ZFAND3: variants seen among roughly 807,000 people sequenced by gnomAD.
The protein encoded by ZFAND3 is zinc finger AN1-type containing 3, also known as AN1-type zinc finger protein 3.
Under a neutral mutation model 29.6 loss-of-function variants are expected in ZFAND3, and 10 were observed. That is an observed-to-expected ratio of 0.34 (90% confidence interval 0.21 to 0.57). The LOEUF (loss-of-function observed/expected upper bound fraction) is 0.57. Among genes scored for constraint, ZFAND3 ranks in the 20% least tolerant of loss-of-function variants. ZFAND3 has a pLI of 0.86. For missense variants in ZFAND3, 230 were observed against 304.5 expected (o/e 0.76, Z 1.82); for synonymous variants, 128 against 112.6 (o/e 1.14, Z -0.87).
chr6:37,914,091 A>G (rs960668187), intron 1 of ZFAND3, among the ~76,000 whole-genome samples: 1 of 152,150 alleles, frequency 6.6e-6, no homozygotes, highest in African/African-American at 2.4e-5. Context: ...TCCTTGATCC[A>G]TGGGCTACAG....
At chr6:37,853,917 AAC>A (rs776265046) in intron 1 of ZFAND3, among the ~76,000 whole-genome samples, 23 of 152,166 alleles carry the variant, frequency 1.5e-4, no homozygotes, top group Non-Finnish European at 3.1e-4. Flanking sequence ...AGAAAACTGA[AAC>A]ACATAAAAAT....
At chr6:37,981,392 T>A (rs2842521) in intron 2 of ZFAND3, among the ~76,000 whole-genome samples, 118,852 of 152,054 alleles carry the variant, frequency 0.78, 47,318 homozygotes, top group Non-Finnish European at 0.85. Context: ...GATGCTGTTC[T>A]GTGAATATTC....
At chr6:37,981,501 G>A (rs1046186169) in intron 2 of ZFAND3, among the ~76,000 whole-genome samples, 6 of 152,128 alleles carry the variant, frequency 3.9e-5, no homozygotes, top group East Asian at 1.9e-4. Flanking sequence ...GTGATTTTTG[G>A]TCATGGTTAG....
intron 1 of ZFAND3, among the ~76,000 whole-genome samples, chr6:37,916,872 C>G (rs769574350): frequency 3.9e-5 from 6 of 152,152 alleles, no homozygotes; most frequent in Non-Finnish European, 7.3e-5. Context: ...GCCCTGGTGG[C>G]GAATCATCCC....
At chr6:37,963,838 T>G (rs950441349) in intron 2 of ZFAND3, among the ~76,000 whole-genome samples, 2 of 152,232 alleles carry the variant, frequency 1.3e-5, no homozygotes, top group Non-Finnish European at 2.9e-5. Context: ...TATAGTACTC[T>G]CTCATACAGC....
intron 1 of ZFAND3, among the ~76,000 whole-genome samples, chr6:37,905,042 T>A (rs1381571904): frequency 6.6e-6 from 1 of 152,160 alleles, no homozygotes; most frequent in African/African-American, 2.4e-5. Context: ...GTATCATGAA[T>A]GAATCAATGC....
intron 1 of ZFAND3, among the ~76,000 whole-genome samples, chr6:37,860,885 A>T (rs1241706704): frequency 6.6e-6 from 1 of 152,160 alleles, no homozygotes; most frequent in African/African-American, 2.4e-5. Context: ...ATGGTACTCC[A>T]TGAAGCCTTA....
At chr6:37,958,045 T>A (rs1453270888) in intron 2 of ZFAND3, among the ~76,000 whole-genome samples, 3 of 152,228 alleles carry the variant, frequency 2.0e-5, no homozygotes, top group Non-Finnish European at 4.4e-5. Flanking sequence ...AAAGAATTTA[T>A]AATATGACTA....
chr6:37,871,952 C>A (rs1466886037), intron 1 of ZFAND3, among the ~76,000 whole-genome samples: 1 of 152,194 alleles, frequency 6.6e-6, no homozygotes, highest in Admixed American at 6.5e-5. Flanking sequence ...AGTTTTTAGT[C>A]TTACCTGGGC....
intron 2 of ZFAND3, among the ~76,000 whole-genome samples, chr6:38,017,966 T>C (rs559525792): frequency 2.0e-5 from 3 of 152,352 alleles, no homozygotes; most frequent in Admixed American, 1.3e-4. Context: ...AAACTACTTA[T>C]AATTTGCCCT....
At chr6:37,860,576 A>G (rs1340814766) in intron 1 of ZFAND3, among the ~76,000 whole-genome samples, 1 of 148,472 alleles carries the variant, frequency 6.7e-6, no homozygotes, top group African/African-American at 2.5e-5. Context: ...TGATTGCATT[A>G]TGTCTTTCCT....
intron 2 of ZFAND3, among the ~76,000 whole-genome samples, chr6:38,045,078 AT>A (rs1400424823): frequency 1.4e-5 from 2 of 147,750 alleles, no homozygotes; most frequent in Non-Finnish European, 1.5e-5. Context: ...TTATTTATTT[AT>A]TTATTTATTT....
At chr6:37,929,586 A>G (rs189964790) in intron 1 of ZFAND3, among the ~76,000 whole-genome samples, 25 of 152,318 alleles carry the variant, frequency 1.6e-4, no homozygotes, top group African/African-American at 6.0e-4. Flanking sequence ...TTCTGTATGA[A>G]AAGAGGGAAT....
chr6:37,948,692 A>G, intron 2 of ZFAND3, among the ~76,000 whole-genome samples: 1 of 152,206 alleles, frequency 6.6e-6, no homozygotes, highest in Non-Finnish European at 1.5e-5. Flanking sequence ...TCCACTTATA[A>G]GTGAGAACAT....
chr6:37,884,692 C>T (rs1344703566), intron 1 of ZFAND3, among the ~76,000 whole-genome samples: 3 of 144,800 alleles, frequency 2.1e-5, no homozygotes, highest in Non-Finnish European at 4.5e-5. Flanking sequence ...GGCAAGATTA[C>T]CAACAAGTAC....
At chr6:38,144,351 G>A (rs565683889) in intron 5 of ZFAND3, among the ~76,000 whole-genome samples, 1 of 151,866 alleles carries the variant, frequency 6.6e-6, no homozygotes, top group Non-Finnish European at 1.5e-5. Context: ...TACCACTTGA[G>A]ATTAATGAGT....
At chr6:37,826,899 T>C (rs1339940946) in intron 1 of ZFAND3, among the ~76,000 whole-genome samples, 2 of 152,238 alleles carry the variant, frequency 1.3e-5, no homozygotes, top group African/African-American at 4.8e-5. Flanking sequence ...GTAGCTACTT[T>C]TAAGTACTCA....
intron 4 of ZFAND3, among the ~76,000 whole-genome samples, chr6:38,102,538 G>A (rs1266026217): frequency 6.6e-6 from 1 of 152,126 alleles, no homozygotes; most frequent in African/African-American, 2.4e-5. Flanking sequence ...AGAGACCAAG[G>A]TGTTGGGGTA....
intron 1 of ZFAND3, among the ~76,000 whole-genome samples, chr6:37,855,051 ATC>A (rs1209402918): frequency 1.5e-5 from 2 of 136,318 alleles, no homozygotes; most frequent in Non-Finnish European, 3.1e-5. Context: ...CTTCTTTTTA[ATC>A]TCTGGGTGAT....
Sources: allele counts gnomAD v4.1 joint callset (sites outside exome capture counted in the v4.1 genomes callset), GRCh38; gene constraint gnomAD v4.1.1; transcripts MANE v1.5; gene names NCBI Gene and HGNC (gene_info 2026-07-23, HGNC 2026-07-21).